KAZN: variants seen among roughly 807,000 people sequenced by gnomAD.
The protein encoded by KAZN is kazrin.
Under a neutral mutation model 87.4 loss-of-function variants are expected in KAZN, and 40 were observed. That is an observed-to-expected ratio of 0.46 (90% confidence interval 0.36 to 0.60). The LOEUF is 0.60. Ranked by LOEUF, KAZN falls within the 20% of genes least tolerant of loss-of-function variation. The probability of loss-of-function intolerance (pLI) is 0.00; values close to 1 mark genes in which losing one functional copy is unlikely to be tolerated. For missense variants in KAZN, 898 were observed against 1,073.9 expected, an observed-to-expected ratio of 0.84 and a Z score of 2.29; for synonymous variants, 466 against 458.3, an observed-to-expected ratio of 1.02 and a Z score of -0.22.
chr1:14,814,425 A>C (rs1364037407), intron 1 of KAZN, among the ~76,000 whole-genome samples: 1 of 152,162 alleles, frequency 6.6e-6, no homozygotes, highest in African/African-American at 2.4e-5. Flanking sequence ...CATGTTGGCC[A>C]GGCTGGTCTC....
intron 1 of KAZN, among the ~76,000 whole-genome samples, chr1:14,861,932 G>T (rs1258207395): frequency 6.6e-6 from 1 of 152,194 alleles, no homozygotes; most frequent in African/African-American, 2.4e-5. Flanking sequence ...AAACGGGATT[G>T]GTGGCATCAT....
At chr1:14,642,842 A>T (rs920825032) in intron 1 of KAZN, among the ~76,000 whole-genome samples, 2 of 152,042 alleles carry the variant, frequency 1.3e-5, no homozygotes, top group East Asian at 1.9e-4. Context: ...ATAAGGGTTT[A>T]AAAAAAATGG....
At chr1:14,941,828 G>A (rs1661116237) in intron 1 of KAZN, among the ~76,000 whole-genome samples, 1 of 152,170 alleles carries the variant, frequency 6.6e-6, no homozygotes, top group African/African-American at 2.4e-5. Context: ...CTGTCCTCTT[G>A]TCTGGCTTCC....
At chr1:15,097,332 C>A (rs975739107) in intron 10 of KAZN, among the ~76,000 whole-genome samples, 1 of 152,082 alleles carries the variant, frequency 6.6e-6, no homozygotes, top group Non-Finnish European at 1.5e-5. Flanking sequence ...AGTTCATCTT[C>A]GAGAACATTT....
Position 14,318,583 on chromosome 1 carries a change from T to C in KAZN, c.249+137991T>C, listed in dbSNP as rs529637000. On this transcript the variant is annotated intron_variant, in intron 2 of 16. Transcript: ENST00000636203. ...ATTCCTTGAGTTTCTTAGACTGTGA[T>C]GTATAGTATCACCAAATTTGGAGAA... Among the ~76,000 whole-genome samples, 4 of 152,246 alleles carry C rather than the reference T, an allele frequency of 2.6e-5. No individual in the cohort carries two copies. The South Asian group carries it at 8.3e-4, about 32-fold the overall frequency.
At chr1:14,674,071 G>C (rs1044724907) in intron 1 of KAZN, among the ~76,000 whole-genome samples, 15 of 152,192 alleles carry the variant, frequency 9.9e-5, no homozygotes, top group Non-Finnish European at 4.4e-5. Flanking sequence ...TGGGGAAATG[G>C]AGACTCAGAA....
chr1:14,111,337 C>T (rs1212234402), intron 1 of KAZN, among the ~76,000 whole-genome samples: 4 of 123,782 alleles, frequency 3.2e-5, no homozygotes, highest in Admixed American at 8.0e-5. Context: ...AAGAGTGCCT[C>T]CTAGAGACAG....
intron 1 of KAZN, among the ~76,000 whole-genome samples, chr1:14,146,536 CA>C (rs55928646): frequency 0.32 from 20,504 of 63,846 alleles, 947 homozygotes; most frequent in South Asian, 0.42. Context: ...AACTCCATCT[CA>C]AAAAAAAAAA....
intron 2 of KAZN, among the ~76,000 whole-genome samples, chr1:14,567,180 G>GGTT (rs1674593432): frequency 6.6e-6 from 1 of 152,042 alleles, no homozygotes. Context: ...GTCATTGTAG[G>GGTT]GTTATTAGAT....
In KAZN at chr1:14,773,055, G is replaced by A. The variant is rs1392800154; in HGVS notation, c.226+173832G>A. On this transcript the variant is annotated intron_variant, in intron 1 of 14. Transcript: ENST00000376030. The surrounding 1 kb of genome is among the most constrained non-coding windows in gnomAD (Gnocchi z 5.9). ...CCTCTTCATGGGGGTCTCAGGAAATGGGCATTTGAGGGTCAGGTGGGTGAC... is the reference window on the plus strand; with the variant it reads ...CCTCTTCATGGGGGTCTCAGGAAATAGGCATTTGAGGGTCAGGTGGGTGAC... Among the ~76,000 whole-genome samples, 2 of 152,158 alleles carry A rather than the reference G, an allele frequency of 1.3e-5. No individual in the cohort carries two copies. Among genetic ancestry groups the A allele is most frequent in the East Asian group, 3.9e-4 (2 of 5,180 alleles).
At chr1:14,346,626 C>A (rs956079915) in intron 2 of KAZN, among the ~76,000 whole-genome samples, 1 of 152,112 alleles carries the variant, frequency 6.6e-6, no homozygotes, top group African/African-American at 2.4e-5. Context: ...GCGCTCAGAT[C>A]AGAGCAGGGT....
intron 1 of KAZN, among the ~76,000 whole-genome samples, chr1:14,721,433 C>A (rs1292496042): frequency 6.6e-6 from 1 of 152,230 alleles, no homozygotes; most frequent in African/African-American, 2.4e-5. Context: ...TCAATTAAAT[C>A]TCTTTCCTTT....
chr1:14,059,671 A>C (rs1570638703), intron 1 of KAZN, among the ~76,000 whole-genome samples: 1 of 152,342 alleles, frequency 6.6e-6, no homozygotes, highest in East Asian at 1.9e-4. Context: ...TCAAGTTGAC[A>C]ACTAATATTA....
chr1:13,919,139 AACC>A (rs1372806765), intron 1 of KAZN, among the ~76,000 whole-genome samples: 1 of 152,246 alleles, frequency 6.6e-6, no homozygotes, highest in Non-Finnish European at 1.5e-5. Flanking sequence ...ACATCTGTAT[AACC>A]ACTTCTCAGC....
intron 1 of KAZN, among the ~76,000 whole-genome samples, chr1:13,929,382 CTG>C (rs1332946146): frequency 1.3e-5 from 2 of 152,174 alleles, no homozygotes; most frequent in Non-Finnish European, 2.9e-5. Flanking sequence ...TTGACTCCCA[CTG>C]TGCGCTCTTC....
intron 2 of KAZN, among the ~76,000 whole-genome samples, chr1:14,238,029 T>A (rs546902926): frequency 6.6e-6 from 1 of 152,228 alleles, no homozygotes; most frequent in East Asian, 1.9e-4. Flanking sequence ...TTTTTTTCAA[T>A]GACATTTTTT....
chr1:15,060,373 G>A (rs1638688959), intron 6 of KAZN, 71 bp downstream of exon 6: 2 of 1,590,398 alleles, frequency 1.3e-6, no homozygotes, highest in African/African-American at 1.3e-5. Flanking sequence ...GGGTGGCGGG[G>A]TGAAGCCATA....
At chr1:14,760,372 T>G (rs567136279) in intron 1 of KAZN, among the ~76,000 whole-genome samples, 1 of 152,332 alleles carries the variant, frequency 6.6e-6, no homozygotes, top group South Asian at 2.1e-4. Flanking sequence ...AATTAAATGG[T>G]TGAAGTGCGT....
chr1:14,004,889 T>C (rs1171673551), intron 1 of KAZN, among the ~76,000 whole-genome samples: 2 of 152,018 alleles, frequency 1.3e-5, no homozygotes, highest in Non-Finnish European at 2.9e-5. Flanking sequence ...GGTGGCTTTA[T>C]AAGAAAAGGA....
Sources: allele counts gnomAD v4.1 joint callset (sites outside exome capture counted in the v4.1 genomes callset), GRCh38; gene constraint gnomAD v4.1.1; non-coding constraint Gnocchi (gnomAD v3.1); transcripts MANE v1.5; gene names NCBI Gene and HGNC (gene_info 2026-07-23, HGNC 2026-07-21).